LRRC4C: variants seen among roughly 807,000 people sequenced by gnomAD.
LRRC4C encodes the protein leucine rich repeat containing 4C.
In LRRC4C, 5 loss-of-function variants were observed where a neutral mutation model predicts 33.6. The ratio of observed to expected loss-of-function variants is 0.15; its 90% CI spans 0.08 to 0.31. The LOEUF is 0.31. LRRC4C is among the 10% of genes least tolerant of loss of function. The pLI is 1.00. For missense variants in LRRC4C, 560 were observed against 796.7 expected, an observed-to-expected ratio of 0.70 and a Z score of 3.58; for synonymous variants, 329 against 302.0, an observed-to-expected ratio of 1.09 and a Z score of -0.93.
At chr11:40,284,944 T>TA (rs1190315184) in intron 4 of LRRC4C, among the ~76,000 whole-genome samples, 2 of 152,086 alleles carry the variant, frequency 1.3e-5, no homozygotes, top group Non-Finnish European at 2.9e-5. Flanking sequence ...AATGGACACT[T>TA]ATGTAGGGTT....
chr11:40,341,860 C>T lies in LRRC4C; in HGVS notation c.-269-22139G>A, dbSNP rs182284483. On this transcript the variant is annotated intron_variant, in intron 3 of 6. Transcript: ENST00000528697. The stretch of plus-strand genomic sequence containing the variant: ...TAGAAAGAAATATAAATCGATGTTC[C>T]TTGTGCTTAGAAAATATGGGATGAC... 4.7e-4 allele frequency among the ~76,000 whole-genome samples: 71 copies of T among 152,084 alleles called. 2 individuals carry two copies. Among genetic ancestry groups the T allele is most frequent in the African/African-American group, 1.6e-3 (67 of 41,498 alleles).
At chr11:40,665,325 AATATAT>A (rs1160594156) in intron 2 of LRRC4C, among the ~76,000 whole-genome samples, 57 of 13,412 alleles carry the variant, frequency 4.2e-3, no homozygotes, top group Admixed American at 6.5e-3. Flanking sequence ...AAAAAAAAAA[AATATAT>A]ATATATATAT....
In LRRC4C at chr11:40,988,841, C is replaced by G. The variant is rs1392854433; in HGVS notation, c.-495-55118G>C. 2.6e-5 allele frequency among the ~76,000 whole-genome samples: 4 copies of G among 151,372 alleles called. No individual in the cohort carries two copies. The South Asian group carries it at 8.4e-4, about 32-fold the overall frequency. On this transcript the variant is annotated intron_variant, in intron 1 of 6. Transcript: ENST00000528697. ...ATGCCATTCTCCTGCCTCAGCCTCC[C>G]GAGTAGCTGGGACTACAGGTGCCTG...
chr11:41,268,892 C>T (rs532071591), intron 1 of LRRC4C, among the ~76,000 whole-genome samples: 1 of 151,516 alleles, frequency 6.6e-6, no homozygotes, highest in Non-Finnish European at 1.5e-5. Context: ...CAGAAAAAGA[C>T]AAAATACAGC....
chr11:40,425,304 T>A (rs1397334175), intron 3 of LRRC4C, among the ~76,000 whole-genome samples: 1 of 152,082 alleles, frequency 6.6e-6, no homozygotes, highest in Non-Finnish European at 1.5e-5. Flanking sequence ...TAAAAATCTA[T>A]AAAAGGATCA....
intron 3 of LRRC4C, among the ~76,000 whole-genome samples, chr11:40,355,709 A>G (rs1054577198): frequency 6.6e-6 from 1 of 152,078 alleles, no homozygotes; most frequent in African/African-American, 2.4e-5. Flanking sequence ...GAGGGGTGGT[A>G]TAGGCAATTC....
chr11:40,310,625 G>A (rs1446252442), intron 4 of LRRC4C, among the ~76,000 whole-genome samples: 1 of 152,070 alleles, frequency 6.6e-6, no homozygotes, highest in African/African-American at 2.4e-5. Context: ...TGTACTATGT[G>A]GCAGATACTG....
intron 5 of LRRC4C, among the ~76,000 whole-genome samples, chr11:40,234,528 G>A (rs1865422537): frequency 6.6e-6 from 1 of 152,112 alleles, no homozygotes; most frequent in Admixed American, 6.6e-5. Context: ...CAGCATTTTG[G>A]GAGGCAAAGG....
chr11:40,740,191 C>A lies in LRRC4C; in HGVS notation c.-406-91913G>T, dbSNP rs900425405. On this transcript the variant is annotated intron_variant, in intron 2 of 6. Transcript: ENST00000528697. Reference sequence around the variant, plus strand: ...GGATATATACCCAGAAGTAGGATTCCTGGATCCTATGGTAGTACTATTATT... The same window carrying A: ...GGATATATACCCAGAAGTAGGATTCATGGATCCTATGGTAGTACTATTATT... 2.0e-5 allele frequency among the ~76,000 whole-genome samples: 3 copies of A among 151,864 alleles called. No individual in the cohort carries two copies. The East Asian group carries it at 5.8e-4, about 29-fold the overall frequency.
chr11:40,564,391 A>G (rs1379476645), intron 3 of LRRC4C, among the ~76,000 whole-genome samples: 2 of 152,208 alleles, frequency 1.3e-5, no homozygotes, highest in African/African-American at 4.8e-5. Context: ...TTTCTTTTCT[A>G]GGAAGGTCCA....
intron 1 of LRRC4C, among the ~76,000 whole-genome samples, chr11:41,359,135 G>GAA (rs147306757): frequency 7.0e-6 from 1 of 142,754 alleles, no homozygotes; most frequent in African/African-American, 2.6e-5. Flanking sequence ...TTCTGAAAAA[G>GAA]AAAAAAAAAA....
rs949782090 is a variant in LRRC4C at position 40,116,184 on chromosome 11, C to G, written c.109G>C (p.Val37Leu). Residue 37 changes from valine to leucine, a missense_variant, in exon 7 of 7, where the codon GTG (valine) becomes CTG (leucine). By Grantham distance (32) the Val-to-Leu change is conservative. Coordinates refer to ENST00000528697, the MANE Select transcript of LRRC4C (RefSeq NM_001258419.2). ...LVVLLALQLL[V>L]VAGLVRAQTC... ...TGAGCCCGCACCAGACCAGCCACCA[C>G]AAGAAGTTGAAGAGCCAGCAGCACC... 2.5e-6 allele frequency: 4 copies of G among 1,613,832 alleles called. No homozygotes were observed. The highest frequency in any genetic ancestry group is 3.4e-6 in the Non-Finnish European group (4 of 1,179,960).
rs1231519187 is a variant in LRRC4C at position 41,188,649 on chromosome 11, G to GT, written c.-495-254927dup. ...ATGTGGTACTGTTTGATCAATATTA[G>GT]TTTTTTTATCTCTTCTAAATGAAGG... On this transcript the variant is annotated intron_variant, in intron 1 of 6. Transcript: ENST00000528697. Among the ~76,000 whole-genome samples the GT allele has an allele frequency of 2.8e-5, 4 of 144,486 alleles. No individual in the cohort carries two copies. In the East Asian group the frequency reaches 6.5e-4, roughly 24 times the overall value. 94.8% of individuals were successfully genotyped at this position (144,486 alleles called of 152,430 possible). A position where few individuals can be genotyped will look rare whatever the true frequency, so the allele number is the denominator to read the frequency against.
At chr11:40,217,620 T>C (rs1864070756) in intron 5 of LRRC4C, among the ~76,000 whole-genome samples, 1 of 152,160 alleles carries the variant, frequency 6.6e-6, no homozygotes, top group South Asian at 2.1e-4. Context: ...TATGTATGTA[T>C]AAAACAATAA....
intron 1 of LRRC4C, among the ~76,000 whole-genome samples, chr11:41,095,029 T>C (rs1940717433): frequency 6.6e-6 from 1 of 152,198 alleles, no homozygotes; most frequent in African/African-American, 2.4e-5. Flanking sequence ...GGAGATGTAT[T>C]AGTCTGTTTT....
At chr11:41,379,617 A>AC (rs1953067961) in intron 1 of LRRC4C, among the ~76,000 whole-genome samples, 1 of 152,028 alleles carries the variant, frequency 6.6e-6, no homozygotes, top group Admixed American at 6.6e-5. Context: ...CCTTGAGCCT[A>AC]CCCAGGGCCT....
chr11:41,457,679 G>C (rs1956212572), intron 1 of LRRC4C, among the ~76,000 whole-genome samples: 1 of 151,830 alleles, frequency 6.6e-6, no homozygotes, highest in Admixed American at 6.6e-5. Flanking sequence ...GGACATTACG[G>C]GTAACAGATA....
chr11:41,213,321 T>C (rs897466382), intron 1 of LRRC4C, among the ~76,000 whole-genome samples: 2 of 152,212 alleles, frequency 1.3e-5, no homozygotes, highest in African/African-American at 4.8e-5. Flanking sequence ...ATTTATTTTG[T>C]GTAAAATTAT....
Position 41,260,943 on chromosome 11 carries a change from C to G in LRRC4C, c.-496+198488G>C, listed in dbSNP as rs55990361. Among the ~76,000 whole-genome samples, 1,160 of 152,144 alleles carry G rather than the reference C, an allele frequency of 7.6e-3. 15 individuals carry two copies. Among genetic ancestry groups the G allele is most frequent in the African/African-American group, 0.026 (1,092 of 41,532 alleles). On this transcript the variant is annotated intron_variant, in intron 1 of 6. Transcript: ENST00000528697. ...TCATAGCCTGGTAACTGTACTTTCTCTTCTTAGGCAGTATATTGGGTATTT... is the reference window on the plus strand; with the variant it reads ...TCATAGCCTGGTAACTGTACTTTCTGTTCTTAGGCAGTATATTGGGTATTT...
Sources: allele counts gnomAD v4.1 joint callset (sites outside exome capture counted in the v4.1 genomes callset), GRCh38; gene constraint gnomAD v4.1.1; transcripts MANE v1.5; gene names NCBI Gene and HGNC (gene_info 2026-07-23, HGNC 2026-07-21).